Variants in LGI2 observed in about 807,000 individuals in gnomAD.
The protein encoded by LGI2 is leucine-rich repeat LGI family member 2.
LGI2 carries 30 observed loss-of-function variants against 52.0 expected under a neutral mutation model. That is an observed-to-expected ratio of 0.58 (90% CI 0.43 to 0.78). LGI2 has a LOEUF of 0.78. Ranked by LOEUF, LGI2 falls within the 30% of genes least tolerant of loss-of-function variation. The pLI is 0.00. For missense variants in LGI2, 573 were observed against 692.5 expected (o/e 0.83, Z 1.94); for synonymous variants, 270 against 271.8 (o/e 0.99, Z 0.06).
At chr4:24,995,820 A>C (rs1725059183), downstream of LGI2, among the ~76,000 whole-genome samples, 2 of 152,216 alleles carry the variant, frequency 1.3e-5, 1 homozygote, top group South Asian at 4.1e-4. Context: ...GAGCAGAAGA[A>C]TATTAAAACC....
chr4:24,999,750 C>T lies in LGI2; in HGVS notation c.*3701G>A. 2.2e-6 allele frequency: 1 copy of T among 451,252 alleles called. No individual in the cohort carries two copies. The highest frequency in any genetic ancestry group is 4.5e-6 in the Non-Finnish European group (1 of 224,450). The allele number at this position is 451,252 out of a possible 1,614,324, so 28.0% of individuals were successfully genotyped here. On this transcript the variant is annotated 3_prime_UTR_variant, in exon 8 of 8. Coordinates refer to ENST00000382114, the MANE Select transcript of LGI2 (RefSeq NM_018176.4). Reference sequence around the variant, plus strand: ...TCTGGCATCCCATGCTGATTTCTTTCCTAAAAATACACAGACTCTCACTCC... The same window carrying T: ...TCTGGCATCCCATGCTGATTTCTTTTCTAAAAATACACAGACTCTCACTCC...
chr4:24,995,330 T>C (rs1307905138), downstream of LGI2, among the ~76,000 whole-genome samples: 1 of 152,142 alleles, frequency 6.6e-6, no homozygotes, highest in African/African-American at 2.4e-5. Context: ...AACAAATTAC[T>C]CCAAAACACA....
Position 25,004,942 on chromosome 4 carries a change from G to T in LGI2, c.821-674C>A, listed in dbSNP as rs1324155058. 6.6e-6 allele frequency among the ~76,000 whole-genome samples: 1 copy of T among 152,114 alleles called. No individual in the cohort carries two copies. The highest frequency in any genetic ancestry group is 1.5e-5 in the Non-Finnish European group (1 of 68,024). On this transcript the variant is annotated intron_variant, in intron 7 of 7. Transcript: ENST00000382114. This position sits in a 1 kb window ranked among gnomAD's most constrained non-coding sequence, Gnocchi z 4.6. ...ACAAAATGTGGCATATACATAAAAT[G>T]GAATATTATTCAGCCCTAAAAGGAG...
Position 25,000,134 on chromosome 4 carries a change from C to CT in LGI2, c.*3316dup. 1 of 218,166 alleles carries CT rather than the reference C, an allele frequency of 4.6e-6. No homozygotes were observed. The highest frequency in any genetic ancestry group is 9.3e-6 in the Non-Finnish European group (1 of 107,536). 13.5% of individuals were successfully genotyped at this position (218,166 alleles called of 1,614,324 possible). ...AATGGACCAGTTGATTGAATGGTGT[C>CT]TATTCAGTATGATTTTTCTTCTGGC... On this transcript the variant is annotated 3_prime_UTR_variant, in exon 8 of 8. Transcript: ENST00000382114.
chr4:25,003,349 T>G lies in LGI2; in HGVS notation c.*102A>C. On this transcript the variant is annotated 3_prime_UTR_variant, in exon 8 of 8. Coordinates refer to ENST00000382114, the MANE Select transcript of LGI2 (RefSeq NM_018176.4). ...ATCTAACTATTTCAGTGCTTTTTAA[T>G]TTCAGAGCTCTGAGCCTGGCTTTGA... The G allele has an allele frequency of 9.6e-6, 8 of 829,600 alleles. No individual in the cohort carries two copies. Among genetic ancestry groups the G allele is most frequent in the Non-Finnish European group, 1.5e-5 (8 of 541,216 alleles). 51.4% of individuals were successfully genotyped at this position (829,600 alleles called of 1,614,324 possible).
At position 25,022,505 on chromosome 4, in the gene LGI2, C is replaced by T. The variant is rs183808843; in HGVS notation, c.413+2315G>A. ...CTAGGATGAGCTAGTTCTTCTCTAACGCATTCCATGCTCGCTGGACCCAAG... is the reference window on the plus strand; with the variant it reads ...CTAGGATGAGCTAGTTCTTCTCTAATGCATTCCATGCTCGCTGGACCCAAG... On this transcript the variant is annotated intron_variant, in intron 4 of 7. Coordinates refer to ENST00000382114, the MANE Select transcript of LGI2 (RefSeq NM_018176.4). 5.3e-3 allele frequency among the ~76,000 whole-genome samples: 802 copies of T among 152,260 alleles called. 4 individuals carry two copies. The highest frequency in any genetic ancestry group is 7.0e-3 in the Non-Finnish European group (474 of 68,014).
intron 7 of LGI2, among the ~76,000 whole-genome samples, chr4:25,011,021 G>A (rs1255955080): frequency 6.6e-6 from 1 of 151,464 alleles, no homozygotes; most frequent in Non-Finnish European, 1.5e-5. Context: ...GTTCCAGGTT[G>A]CAATGAGGCA....
At chr4:25,021,930 C>CAAAAA (rs35526176) in intron 4 of LGI2, among the ~76,000 whole-genome samples, 2 of 76,550 alleles carry the variant, frequency 2.6e-5, no homozygotes, top group African/African-American at 4.2e-5. Context: ...GATTCCATCT[C>CAAAAA]AAAAAAAAAA....
chr4:25,023,068 TTGA>T (rs59366282), intron 4 of LGI2, among the ~76,000 whole-genome samples: 25 of 151,144 alleles, frequency 1.7e-4, no homozygotes, highest in East Asian at 1.4e-3. Context: ...TATGTTGATG[TTGA>T]TGATGATGAT....
At chr4:24,997,159 A>G (rs73804947), downstream of LGI2, among the ~76,000 whole-genome samples, 859 of 152,324 alleles carry the variant, frequency 5.6e-3, 5 homozygotes, top group African/African-American at 0.02. Context: ...CCTGGTTAGG[A>G]AAGTGTTGTC....
At chr4:25,008,341 T>A (rs1468798687) in intron 7 of LGI2, among the ~76,000 whole-genome samples, 1 of 152,048 alleles carries the variant, frequency 6.6e-6, no homozygotes, top group Admixed American at 6.6e-5. Context: ...TCACCTGAGG[T>A]CAGGAGTTCA....
chr4:25,028,612 G>C (rs765006629), intron 1 of LGI2, 34 bp from the exon 2 acceptor site: 10 of 1,585,712 alleles, frequency 6.3e-6, no homozygotes, highest in Non-Finnish European at 8.6e-6. Context: ...GTAGGCCTAG[G>C]TTTCTTTTAG....
intron 7 of LGI2, among the ~76,000 whole-genome samples, chr4:25,009,789 C>T (rs1725517331): frequency 1.3e-5 from 2 of 151,970 alleles, no homozygotes; most frequent in South Asian, 4.2e-4. Flanking sequence ...GTGCATGCCA[C>T]CACGCCCAGC....
intron 3 of LGI2, among the ~76,000 whole-genome samples, chr4:25,025,997 A>G (rs867275186): frequency 6.6e-6 from 1 of 152,222 alleles, no homozygotes; most frequent in African/African-American, 2.4e-5. Context: ...ATATGATAAT[A>G]TCAGAGTATT....
Position 24,999,779 on chromosome 4 carries a change from G to A in LGI2, c.*3672C>T, listed in dbSNP as rs2109399810. On this transcript the variant is annotated 3_prime_UTR_variant, in exon 8 of 8. Transcript: ENST00000382114. The stretch of plus-strand genomic sequence containing the variant: ...AAAATACACAGACTCTCACTCCATG[G>A]GGAAGAAAAAATGCAACTCTGCCAT... 4.4e-6 allele frequency: 2 copies of A among 455,658 alleles called. No individual in the cohort carries two copies. Among genetic ancestry groups the A allele is most frequent in the Non-Finnish European group, 8.8e-6 (2 of 226,758 alleles). 28.2% of individuals were successfully genotyped at this position (455,658 alleles called of 1,614,324 possible). A position where few individuals can be genotyped will look rare whatever the true frequency, so the allele number is the denominator to read the frequency against.
chr4:25,024,670 C>T, intron 4 of LGI2, 150 bp downstream of exon 4: 1 of 545,804 alleles, frequency 1.8e-6, no homozygotes, highest in Non-Finnish European at 3.2e-6. Flanking sequence ...TCACAATGAG[C>T]CAGTGTCTGA....
rs540813995 is a variant in LGI2, at chr4:25,009,497, C to T, written c.820+2838G>A. Among the ~76,000 whole-genome samples, 69 of 152,290 alleles carry T rather than the reference C, an allele frequency of 4.5e-4. No homozygotes were observed. In the East Asian group the frequency reaches 5.2e-3, roughly 11 times the overall value. Reference sequence around the variant, plus strand: ...CATCTTCCTTCTTCACTTTATTTCCCCTCCTTAGCACATTTCTGTCTGATG... The same window carrying T: ...CATCTTCCTTCTTCACTTTATTTCCTCTCCTTAGCACATTTCTGTCTGATG... On this transcript the variant is annotated intron_variant, in intron 7 of 7. Coordinates refer to ENST00000382114, the MANE Select transcript of LGI2 (RefSeq NM_018176.4).
At chr4:25,022,666 G>A (rs1365753871) in intron 4 of LGI2, among the ~76,000 whole-genome samples, 2 of 152,178 alleles carry the variant, frequency 1.3e-5, no homozygotes, top group African/African-American at 4.8e-5. Flanking sequence ...CAGGAACACA[G>A]TTATGTACAC....
Position 25,030,478 on chromosome 4 carries a change from C to A in LGI2, c.197+19G>T, listed in dbSNP as rs1281566179. The A allele has an allele frequency of 6.4e-7, 1 of 1,570,072 alleles. No individual in the cohort carries two copies. Among genetic ancestry groups the A allele is most frequent in the Non-Finnish European group, 8.6e-7 (1 of 1,159,002 alleles). On this transcript the variant is annotated intron_variant, in intron 1 of 7. Coordinates refer to ENST00000382114, the MANE Select transcript of LGI2 (RefSeq NM_018176.4). The stretch of plus-strand genomic sequence containing the variant: ...AGGGTGGGGCGGGACGGGATGGGGG[C>A]TGGAGGGGTCCCACTCACAGGGAGC...
Sources: gnomAD v4.1 joint callset for allele counts (sites outside exome capture counted in the v4.1 genomes callset) on GRCh38, gnomAD v4.1.1 for gene constraint, Gnocchi (gnomAD v3.1) non-coding constraint, MANE v1.5 for transcripts, NCBI Gene and HGNC (gene_info 2026-07-23, HGNC 2026-07-21) for gene names.